The following GALNT2 variants were observed in gnomAD, a reference collection of about 807,000 sequenced individuals.
The protein encoded by GALNT2 is UDP-GalNAc:polypeptide N-acetylgalactosaminyltransferase 2.
GALNT2 carries 31 observed loss-of-function variants against 81.4 expected under a neutral mutation model. That is an observed-to-expected ratio of 0.38 (90% confidence interval 0.29 to 0.51). The LOEUF is 0.51. Ranked by LOEUF, GALNT2 falls within the 20% of genes least tolerant of loss-of-function variation. GALNT2 has a pLI of 0.87. For missense variants in GALNT2, 629 were observed against 765.7 expected, an observed-to-expected ratio of 0.82 and a Z score of 2.11; for synonymous variants, 303 against 287.4, an observed-to-expected ratio of 1.05 and a Z score of -0.55.
intron 1 of GALNT2, among the ~76,000 whole-genome samples, chr1:230,143,596 C>T (rs1398176662): frequency 6.6e-6 from 1 of 152,196 alleles, no homozygotes; most frequent in Non-Finnish European, 1.5e-5. Context: ...CGTCTGTCGG[C>T]CTGAACACTT....
At chr1:230,063,892 C>G (rs1370393097), upstream of GALNT2, among the ~76,000 whole-genome samples, 1 of 152,114 alleles carries the variant, frequency 6.6e-6, no homozygotes, top group Non-Finnish European at 1.5e-5. Flanking sequence ...GAACTGAGCC[C>G]ACTTATAAAT....
rs563952945 is a variant in GALNT2 at position 230,199,196 on chromosome 1, G to A, written c.221-3941G>A. The stretch of plus-strand genomic sequence containing the variant: ...TTTTAGGAAGGCAATATATTCAGAC[G>A]TTTTGTTGGTTGTTTTGTGGCTGTT... On this transcript the variant is annotated intron_variant, in intron 2 of 15. Coordinates refer to ENST00000366672, the MANE Select transcript of GALNT2 (RefSeq NM_004481.5). Among the ~76,000 whole-genome samples the A allele has an allele frequency of 1.4e-4, 21 of 152,216 alleles. No homozygotes were observed. In the East Asian group the frequency reaches 2.3e-3, roughly 17 times the overall value.
intron 3 of GALNT2, among the ~76,000 whole-genome samples, chr1:230,227,712 C>G (rs775886414): frequency 2.6e-5 from 4 of 152,044 alleles, no homozygotes; most frequent in Non-Finnish European, 4.4e-5. Flanking sequence ...TGAAATTCAG[C>G]ACTTGTGAGG....
chr1:230,201,775 G>C (rs981270541), intron 2 of GALNT2, among the ~76,000 whole-genome samples: 16 of 152,114 alleles, frequency 1.1e-4, no homozygotes, highest in African/African-American at 3.9e-4. Flanking sequence ...TGCTCATGTC[G>C]ACACTAGGAC....
intron 1 of GALNT2, among the ~76,000 whole-genome samples, chr1:230,121,274 T>C (rs1661007416): frequency 6.6e-6 from 1 of 152,234 alleles, no homozygotes; most frequent in African/African-American, 2.4e-5. Context: ...AGGCTTTGTA[T>C]GGGTCCCTGG....
intron 11 of GALNT2, among the ~76,000 whole-genome samples, chr1:230,255,696 A>C (rs959780604): frequency 6.6e-6 from 1 of 152,078 alleles, no homozygotes; most frequent in African/African-American, 2.4e-5. Flanking sequence ...GGATGTTTGG[A>C]GGAGGGACGG....
intron 3 of GALNT2, among the ~76,000 whole-genome samples, chr1:230,208,116 A>G (rs1248204185): frequency 6.6e-6 from 1 of 152,226 alleles, no homozygotes; most frequent in African/African-American, 2.4e-5. Flanking sequence ...AAGACTTAAA[A>G]GCAAATTAAA....
At chr1:230,245,651 G>A (rs1013853247) in intron 7 of GALNT2, among the ~76,000 whole-genome samples, 1 of 152,126 alleles carries the variant, frequency 6.6e-6, no homozygotes, top group Non-Finnish European at 1.5e-5. Context: ...GAGCATTTTA[G>A]CAGTGACTCC....
chr1:230,064,576 A>G (rs1659121332), upstream of GALNT2, among the ~76,000 whole-genome samples: 2 of 152,144 alleles, frequency 1.3e-5, no homozygotes, highest in Non-Finnish European at 2.9e-5. Context: ...GCTGGAGTGC[A>G]ATGGCATGAT....
chr1:230,075,192 C>G (rs1659502284), intron 1 of GALNT2, among the ~76,000 whole-genome samples: 1 of 126,164 alleles, frequency 7.9e-6, no homozygotes, highest in African/African-American at 2.8e-5. Flanking sequence ...GTGGCACAAT[C>G]TCGGCTCACT....
At chr1:230,217,793 C>G (rs79975717) in intron 3 of GALNT2, among the ~76,000 whole-genome samples, 7 of 152,322 alleles carry the variant, frequency 4.6e-5, no homozygotes, top group Middle Eastern at 6.8e-3. Context: ...GGACAAACTC[C>G]CTTCATTAAG....
At chr1:230,160,750 G>T (rs1662407604) in intron 1 of GALNT2, among the ~76,000 whole-genome samples, 1 of 151,936 alleles carries the variant, frequency 6.6e-6, no homozygotes, top group South Asian at 2.1e-4. Flanking sequence ...GAATAAGTTG[G>T]TTCTATCAGA....
Position 230,249,284 on chromosome 1 carries a change from A to G in GALNT2, c.905+13A>G, listed in dbSNP as rs367944876. The G allele has an allele frequency of 8.1e-6, 13 of 1,612,740 alleles. No homozygotes were observed. The highest frequency in any genetic ancestry group is 1.3e-5 in the African/African-American group (1 of 74,888). Reference sequence around the variant, plus strand: ...TCGCCCCTATAAAGTAAGTGCCAGCATCCTTCAGGGTGCCCCTCCCAGATG... The same window carrying G: ...TCGCCCCTATAAAGTAAGTGCCAGCGTCCTTCAGGGTGCCCCTCCCAGATG... On this transcript the variant is annotated intron_variant, in intron 9 of 15. Transcript: ENST00000366672.
In GALNT2 at chr1:230,145,150, C is replaced by T. The variant is rs1661875840; in HGVS notation, c.127-33068C>T. On this transcript the variant is annotated intron_variant, in intron 1 of 15. Coordinates refer to ENST00000366672, the MANE Select transcript of GALNT2 (RefSeq NM_004481.5). ...GAGCGACCCATGTGCCTGTGGGCCC[C>T]TCCTGCCTCAGTACCAAGACTGTCC... Among the ~76,000 whole-genome samples the T allele has an allele frequency of 5.3e-5, 8 of 152,314 alleles. No homozygotes were observed. The South Asian group carries it at 1.5e-3, about 28-fold the overall frequency.
intron 6 of GALNT2, among the ~76,000 whole-genome samples, chr1:230,239,342 C>G (rs1665127517): frequency 6.6e-6 from 1 of 152,164 alleles, no homozygotes; most frequent in Admixed American, 6.6e-5. Flanking sequence ...CTCACACAAT[C>G]ACAAGGTGAA....
intron 1 of GALNT2, among the ~76,000 whole-genome samples, chr1:230,120,700 C>T (rs1411547274): frequency 1.3e-5 from 2 of 152,178 alleles, no homozygotes; most frequent in Non-Finnish European, 2.9e-5. Flanking sequence ...TTCTCCTCGG[C>T]CTCTCCCCAG....
chr1:230,205,671 C>T (rs983459204), intron 3 of GALNT2, among the ~76,000 whole-genome samples: 2 of 152,070 alleles, frequency 1.3e-5, no homozygotes. Flanking sequence ...GTGTTGAGGC[C>T]GAAGCTGTGT....
intron 1 of GALNT2, among the ~76,000 whole-genome samples, chr1:230,113,870 A>T (rs1660769964): frequency 6.6e-6 from 1 of 151,808 alleles, no homozygotes; most frequent in African/African-American, 2.4e-5. Flanking sequence ...CTGTGACTCA[A>T]TGGCTGTGGC....
chr1:230,142,420 G>A (rs905277975), intron 1 of GALNT2, among the ~76,000 whole-genome samples: 6 of 152,144 alleles, frequency 3.9e-5, no homozygotes, highest in Non-Finnish European at 5.9e-5. Flanking sequence ...TGGTGAAGTC[G>A]TTAAGGGCCC....
Sources: gnomAD v4.1 joint callset for allele counts (sites outside exome capture counted in the v4.1 genomes callset) on GRCh38, gnomAD v4.1.1 for gene constraint, MANE v1.5 for transcripts, NCBI Gene and HGNC (gene_info 2026-07-23, HGNC 2026-07-21) for gene names.